Variants in ZMYND8 observed in about 807,000 individuals in gnomAD.
The protein encoded by ZMYND8 is MYND-type zinc finger-containing chromatin reader ZMYND8.
A neutral mutation model predicts 140.8 loss-of-function variants in ZMYND8; 37 were observed. The ratio of observed to expected loss-of-function variants is 0.26; its 90% CI spans 0.20 to 0.35. The LOEUF (loss-of-function observed/expected upper bound fraction) is 0.35. Among genes scored for constraint, ZMYND8 ranks in the 10% least tolerant of loss-of-function variants. ZMYND8 has a pLI of 1.00. For synonymous variants in ZMYND8, 592 were observed against 597.1 expected (o/e 0.99, Z 0.12); for missense variants, 1,068 against 1,570.0 (o/e 0.68, Z 5.40).
At position 47,276,555 on chromosome 20, in the gene ZMYND8, C is replaced by G; in HGVS notation, c.1239G>C (p.Lys413Asn). The part of the protein sequence containing the change: ...NPSAGTAKID[K>N]QEKVKLNFDM... ...CAAAGTTGAGCTTGACCTTCTCCTG[C>G]TTGTCTATCTTGGCAGTGCCGGCGC... is the stretch of plus-strand genomic sequence containing the variant. The change falls in exon 11 of 23, where the codon AAG becomes AAC. Residue 413 changes from lysine (K) to asparagine (N), a missense_variant. This residue lies in a region of ZMYND8 where 173 missense variants were observed against 223.3 expected (regional missense o/e 0.77). Transcript: ENST00000471951. 1 of 1,613,942 alleles carries G rather than the reference C, an allele frequency of 6.2e-7. No individual in the cohort carries two copies. The highest frequency in any genetic ancestry group is 8.5e-7 in the Non-Finnish European group (1 of 1,180,006).
At chr20:47,247,170 G>A (rs900434391) in intron 13 of ZMYND8, among the ~76,000 whole-genome samples, 31 of 152,220 alleles carry the variant, frequency 2.0e-4, no homozygotes, top group African/African-American at 7.5e-4. Context: ...TTATAAATGT[G>A]TTGTCCAACT....
chr20:47,321,834 G>A (rs968200541), intron 2 of ZMYND8, among the ~76,000 whole-genome samples: 149 of 148,658 alleles, frequency 1.0e-3, no homozygotes, highest in African/African-American at 3.6e-3. Flanking sequence ...TACAAATATC[G>A]ATTTATTTAA....
chr20:47,224,569 G>A lies in ZMYND8; in HGVS notation c.3017-13C>T, dbSNP rs769031802. On this transcript the variant is annotated splice_polypyrimidine_tract_variant and intron_variant, in intron 18 of 22. Coordinates refer to ENST00000471951, the MANE Select transcript of ZMYND8 (RefSeq NM_001281775.3). ...GCCATGGTCAGCTCTGGTGGAGGAGGGGAAGAACACCGCTCATCACCTGAC... is the reference window on the plus strand; with the variant it reads ...GCCATGGTCAGCTCTGGTGGAGGAGAGGAAGAACACCGCTCATCACCTGAC... The A allele has an allele frequency of 5.0e-6, 8 of 1,611,710 alleles. No individual in the cohort carries two copies. In the South Asian group the frequency reaches 5.5e-5, roughly 11 times the overall value.
At position 47,298,052 on chromosome 20, in the gene ZMYND8, A is replaced by G. The variant is rs1193187980; in HGVS notation, c.453+677T>C. On this transcript the variant is annotated intron_variant, in intron 4 of 22. Transcript: ENST00000471951. This position sits in a 1 kb window ranked among gnomAD's most constrained non-coding sequence, Gnocchi z 5.0. ...TAGTGAGGCTTTCCCAGACCACCAC[A>G]TTCAAAATGAAAACACCTTGCACTC... Among the ~76,000 whole-genome samples, 8 of 152,214 alleles carry G rather than the reference A, an allele frequency of 5.3e-5. No individual in the cohort carries two copies. Among genetic ancestry groups the G allele is most frequent in the African/African-American group, 1.9e-4 (8 of 41,446 alleles).
chr20:47,277,654 T>A (rs964337350), intron 10 of ZMYND8, among the ~76,000 whole-genome samples: 1 of 94,168 alleles, frequency 1.1e-5, no homozygotes, highest in Non-Finnish European at 2.0e-5. Context: ...TAATTCATTT[T>A]ATTTATTTAT....
chr20:47,346,328 G>T (rs1160649242), intron 2 of ZMYND8, among the ~76,000 whole-genome samples: 2 of 152,132 alleles, frequency 1.3e-5, no homozygotes, highest in African/African-American at 4.8e-5. Context: ...TCCTTGCTCT[G>T]AAGTCCCTGG....
At chr20:47,293,948 C>T (rs1440073046) in intron 5 of ZMYND8, among the ~76,000 whole-genome samples, 1 of 152,170 alleles carries the variant, frequency 6.6e-6, no homozygotes, top group Non-Finnish European at 1.5e-5. Context: ...TTCCCACCCC[C>T]CTTCTCCTGC....
intron 2 of ZMYND8, among the ~76,000 whole-genome samples, chr20:47,314,632 G>A (rs574806965): frequency 2.2e-4 from 34 of 152,254 alleles, no homozygotes; most frequent in Non-Finnish European, 4.6e-4. Flanking sequence ...ACACTAGTTT[G>A]AGGAACGCTA....
chr20:47,327,107 G>A (rs1284393760), intron 2 of ZMYND8, among the ~76,000 whole-genome samples: 1 of 152,024 alleles, frequency 6.6e-6, no homozygotes, highest in African/African-American at 2.4e-5. Flanking sequence ...TCTGGAAAAG[G>A]AGCAATCAGT....
chr20:47,217,265 T>C (rs1007197744), intron 21 of ZMYND8, among the ~76,000 whole-genome samples: 1 of 152,228 alleles, frequency 6.6e-6, no homozygotes, highest in African/African-American at 2.4e-5. Context: ...ACAAGTGCCA[T>C]TACTCAGCCA....
At position 47,310,631 on chromosome 20, in the gene ZMYND8, C is replaced by A. The variant is rs534169460; in HGVS notation, c.86-427G>T. 8.6e-5 allele frequency among the ~76,000 whole-genome samples: 13 copies of A among 151,820 alleles called. No individual in the cohort carries two copies. The East Asian group carries it at 2.1e-3, about 25-fold the overall frequency. ...GCCAATACCGTCTCTACTAAGAGTA[C>A]AAAAATTAGCCTGGTGTGGTGGCAC... On this transcript the variant is annotated intron_variant, in intron 2 of 22. Transcript: ENST00000471951.
chr20:47,275,757 G>A (rs2076218907), intron 11 of ZMYND8, among the ~76,000 whole-genome samples: 2 of 151,922 alleles, frequency 1.3e-5, no homozygotes, highest in South Asian at 2.1e-4. Flanking sequence ...ATAGACACAC[G>A]CCACCACGAC....
chr20:47,247,583 T>C (rs1286003354), intron 13 of ZMYND8, among the ~76,000 whole-genome samples: 1 of 152,166 alleles, frequency 6.6e-6, no homozygotes, highest in Non-Finnish European at 1.5e-5. Context: ...TGTTATGCCA[T>C]CATACTGTAG....
chr20:47,355,866 A>G (rs1247065493), intron 1 of ZMYND8, among the ~76,000 whole-genome samples: 1 of 151,060 alleles, frequency 6.6e-6, no homozygotes, highest in Non-Finnish European at 1.5e-5. Context: ...CCCTACTCCA[A>G]AAAACTTCCT....
intron 18 of ZMYND8, among the ~76,000 whole-genome samples, chr20:47,226,889 T>C (rs1468387246): frequency 6.6e-6 from 1 of 152,166 alleles, no homozygotes; most frequent in Admixed American, 6.5e-5. Context: ...CTTGAACTCC[T>C]GGAATCAGGT....
At chr20:47,283,085 T>C (rs947922358) in intron 9 of ZMYND8, among the ~76,000 whole-genome samples, 12 of 152,130 alleles carry the variant, frequency 7.9e-5, no homozygotes, top group Admixed American at 5.2e-4. Flanking sequence ...CCCAACAATG[T>C]ACTTCTCTCT....
At chr20:47,325,718 G>C (rs2148400590) in intron 2 of ZMYND8, among the ~76,000 whole-genome samples, 1 of 152,232 alleles carries the variant, frequency 6.6e-6, no homozygotes, top group East Asian at 1.9e-4. Context: ...AAAATCAAAG[G>C]GGGATATCTC....
At position 47,309,939 on chromosome 20, in the gene ZMYND8, G is replaced by A. The variant is rs561957559; in HGVS notation, c.234+117C>T. The stretch of plus-strand genomic sequence containing the variant: ...TTTTGTCCAAGGCAAATGACAGCCA[G>A]CGCAAGGCAGCTAACTAAATCCAAG... On this transcript the variant is annotated intron_variant, in intron 3 of 22. Transcript: ENST00000471951. The A allele has an allele frequency of 1.0e-5, 14 of 1,406,756 alleles. No individual in the cohort carries two copies. The East Asian group carries it at 3.0e-4, about 30-fold the overall frequency. 87.1% of individuals were successfully genotyped at this position (1,406,756 alleles called of 1,614,324 possible).
Position 47,282,128 on chromosome 20 carries a change from A to G in ZMYND8, c.972T>C (p.Asp324=). ...KALRDKDGQV[D]ARFFGQHDRA... ...TGTCATGTTGTCCAAAGAATCGGGC[A>G]TCGACCTGCCCGTCTTTATCCCTTA... Residue 324 remains aspartate, a synonymous_variant, in exon 10 of 23, where the codon GAT becomes GAC. Transcript: ENST00000471951. The G allele has an allele frequency of 6.2e-7, 1 of 1,613,976 alleles. No homozygotes were observed. The highest frequency in any genetic ancestry group is 8.5e-7 in the Non-Finnish European group (1 of 1,179,932).
Sources: gnomAD v4.1 joint callset for allele counts (sites outside exome capture counted in the v4.1 genomes callset) on GRCh38, gnomAD v4.1.1 for gene constraint, gnomAD v4.1.1 regional missense constraint, Gnocchi (gnomAD v3.1) non-coding constraint, MANE v1.5 for transcripts, NCBI Gene and HGNC (gene_info 2026-07-23, HGNC 2026-07-21) for gene names.